Variants in RPTOR observed in about 807,000 individuals in gnomAD.
RPTOR encodes regulatory associated protein of MTOR complex 1, also known as regulatory-associated protein of mTOR.
A neutral mutation model predicts 169.9 loss-of-function variants in RPTOR; 21 were observed. That is an observed-to-expected ratio of 0.12 (90% CI 0.09 to 0.18). The LOEUF (loss-of-function observed/expected upper bound fraction) is 0.18. RPTOR is among the 10% of genes least tolerant of loss of function. The probability of loss-of-function intolerance (pLI) is 1.00; values close to 1 mark genes in which losing one functional copy is unlikely to be tolerated. For synonymous variants in RPTOR, 732 were observed against 753.2 expected (o/e 0.97, Z 0.46); for missense variants, 1,133 against 1,855.9 (o/e 0.61, Z 7.16).
At chr17:80,846,385 T>C (rs2067730624) in intron 10 of RPTOR, 88 bp from the exon 11 acceptor site, 2 of 1,348,168 alleles carry the variant, frequency 1.5e-6, no homozygotes, top group African/African-American at 2.8e-5. Context: ...TCGTGAAGGC[T>C]TGGATGCCCG....
At chr17:80,791,587 A>C in intron 7 of RPTOR, 78 bp downstream of exon 7, 1 of 1,273,136 alleles carries the variant, frequency 7.9e-7, no homozygotes, top group East Asian at 2.3e-5. Flanking sequence ...CTTGCTTCTC[A>C]GAAGTACTTT....
chr17:80,667,686 A>C (rs1220117532), intron 3 of RPTOR, among the ~76,000 whole-genome samples: 2 of 152,170 alleles, frequency 1.3e-5, no homozygotes, highest in African/African-American at 4.8e-5. Flanking sequence ...ACGGGAGAGA[A>C]TGTTAGTATT....
chr17:80,591,405 G>A (rs1321427838), intron 1 of RPTOR, among the ~76,000 whole-genome samples: 2 of 145,142 alleles, frequency 1.4e-5, no homozygotes, highest in East Asian at 4.0e-4. Context: ...TGGAGATGGA[G>A]TGTTGCTCTG....
At chr17:80,589,742 G>T (rs1007848989) in intron 1 of RPTOR, among the ~76,000 whole-genome samples, 1 of 151,528 alleles carries the variant, frequency 6.6e-6, no homozygotes, top group Non-Finnish European at 1.5e-5. Context: ...TACAGTTTTC[G>T]TTTTGTTTTT....
At chr17:80,561,263 G>GTATATATATATATATA (rs1555713889) in intron 1 of RPTOR, among the ~76,000 whole-genome samples, 6 of 19,604 alleles carry the variant, frequency 3.1e-4, no homozygotes, top group South Asian at 2.0e-3. Flanking sequence ...ATATATATAT[G>GTATATATATATATATA]TATATATATA....
At chr17:80,789,618 G>C (rs190056026) in intron 6 of RPTOR, among the ~76,000 whole-genome samples, 1 of 152,180 alleles carries the variant, frequency 6.6e-6, no homozygotes, top group Non-Finnish European at 1.5e-5. Context: ...TAGGGCTTTT[G>C]CCTGCAATAT....
At chr17:80,605,187 A>G (rs1334493563) in intron 1 of RPTOR, among the ~76,000 whole-genome samples, 1 of 152,128 alleles carries the variant, frequency 6.6e-6, no homozygotes, top group Non-Finnish European at 1.5e-5. Flanking sequence ...CAGTTTTGCT[A>G]ATTCTCAAAG....
rs2066332502 is a variant in RPTOR at position 80,726,221 on chromosome 17, T to G, written c.508-4339T>G. On this transcript the variant is annotated intron_variant, in intron 4 of 33. Coordinates refer to ENST00000306801, the MANE Select transcript of RPTOR (RefSeq NM_020761.3). This position sits in a 1 kb window ranked among gnomAD's most constrained non-coding sequence, Gnocchi z 4.5. The stretch of plus-strand genomic sequence containing the variant: ...GGCTGTTACGGGGTGAAAGCCCCTC[T>G]TAGAATTTAAAGTCCTAGAGCAGAG... 6.6e-6 allele frequency among the ~76,000 whole-genome samples: 1 copy of G among 152,182 alleles called. No individual in the cohort carries two copies. Among genetic ancestry groups the G allele is most frequent in the Admixed American group, 6.5e-5 (1 of 15,284 alleles).
intron 3 of RPTOR, among the ~76,000 whole-genome samples, chr17:80,699,230 T>C (rs2066062441): frequency 6.6e-6 from 1 of 152,368 alleles, no homozygotes; most frequent in Non-Finnish European, 1.5e-5. Flanking sequence ...TCATCATTTG[T>C]ATGTGCACAA....
At chr17:80,555,876 T>C (rs2084401130) in intron 1 of RPTOR, among the ~76,000 whole-genome samples, 1 of 151,786 alleles carries the variant, frequency 6.6e-6, no homozygotes, top group African/African-American at 2.4e-5. Context: ...AGTGGGGTGA[T>C]TGGAGAGGGG....
At chr17:80,896,147 C>G (rs1015519818) in intron 20 of RPTOR, among the ~76,000 whole-genome samples, 1 of 151,934 alleles carries the variant, frequency 6.6e-6, no homozygotes, top group Admixed American at 6.5e-5. Flanking sequence ...GTGTTCATGT[C>G]TTAAGTATAT....
rs2066160507 is a variant in RPTOR at position 80,708,657 on chromosome 17, C to G, written c.507+658C>G. Among the ~76,000 whole-genome samples the G allele has an allele frequency of 7.3e-6, 1 of 136,302 alleles. No individual in the cohort carries two copies. Among genetic ancestry groups the G allele is most frequent in the Non-Finnish European group, 1.5e-5 (1 of 64,732 alleles). The allele number at this position is 136,302 out of a possible 152,430, so 89.4% of individuals were successfully genotyped here. ...TCCTCCAGGGTGTGGTGGGTGCTGA[C>G]TGTTGTCCCCACCCTCCAGGGTGTG... is the stretch of plus-strand genomic sequence containing the variant. On this transcript the variant is annotated intron_variant, in intron 4 of 33. Transcript: ENST00000306801. The surrounding 1 kb of genome is among the most constrained non-coding windows in gnomAD (Gnocchi z 4.2).
At chr17:80,795,394 C>G (rs1285720638) in intron 7 of RPTOR, among the ~76,000 whole-genome samples, 2 of 152,180 alleles carry the variant, frequency 1.3e-5, no homozygotes, top group African/African-American at 2.4e-5. Flanking sequence ...TTTGCAGCCA[C>G]TCGTGTTCTT....
At position 80,964,410 on chromosome 17, in the gene RPTOR, G is replaced by T; in HGVS notation, c.*80G>T. 7.2e-7 allele frequency: 1 copy of T among 1,397,252 alleles called. No individual in the cohort carries two copies. Among genetic ancestry groups the T allele is most frequent in the Non-Finnish European group, 1.0e-6 (1 of 998,036 alleles). The allele number at this position is 1,397,252 out of a possible 1,614,324, so 86.6% of individuals were successfully genotyped here. ...TCACTCGCCGGGGCACGGGGCGTCG[G>T]CTGCTGCGGCCCCGCAGTGTGAACG... On this transcript the variant is annotated 3_prime_UTR_variant, in exon 34 of 34. Coordinates refer to ENST00000306801, the MANE Select transcript of RPTOR (RefSeq NM_020761.3).
chr17:80,952,204 A>G (rs1174692169), intron 28 of RPTOR, among the ~76,000 whole-genome samples: 2 of 152,218 alleles, frequency 1.3e-5, no homozygotes, highest in African/African-American at 2.4e-5. Context: ...ACCAGGACCC[A>G]GTGTTGGCAT....
intron 7 of RPTOR, among the ~76,000 whole-genome samples, chr17:80,811,775 C>T (rs1598322767): frequency 6.6e-6 from 1 of 150,514 alleles, no homozygotes; most frequent in Non-Finnish European, 1.5e-5. Context: ...AGGGACACAA[C>T]CACACCCTCT....
rs569560300 is a variant in RPTOR, at chr17:80,677,701, G to A, written c.349-30140G>A. Among the ~76,000 whole-genome samples, 6 of 152,290 alleles carry A rather than the reference G, an allele frequency of 3.9e-5. No homozygotes were observed. In the South Asian group the frequency reaches 6.2e-4, roughly 16 times the overall value. On this transcript the variant is annotated intron_variant, in intron 3 of 33. Transcript: ENST00000306801. ...TTCTATTCATGCATCGAGTCTTGCT[G>A]TTGATGTCATTTTCTTTGGAAACTG...
chr17:80,701,341 C>T (rs888917674), intron 3 of RPTOR, among the ~76,000 whole-genome samples: 5 of 152,280 alleles, frequency 3.3e-5, no homozygotes, highest in Middle Eastern at 3.4e-3. Context: ...CCATATCAAC[C>T]GAAAGGTAGC....
At chr17:80,594,095 T>C (rs959114401) in intron 1 of RPTOR, among the ~76,000 whole-genome samples, 5 of 152,144 alleles carry the variant, frequency 3.3e-5, no homozygotes, top group Non-Finnish European at 5.9e-5. Context: ...CTTTTCTCTT[T>C]TCTTTTCTTT....
Sources: gnomAD v4.1 joint callset for allele counts (sites outside exome capture counted in the v4.1 genomes callset) on GRCh38, gnomAD v4.1.1 for gene constraint, Gnocchi (gnomAD v3.1) non-coding constraint, MANE v1.5 for transcripts, NCBI Gene and HGNC (gene_info 2026-07-23, HGNC 2026-07-21) for gene names.